The following ANKS1B variants were observed in gnomAD, a reference collection of about 807,000 sequenced individuals.
The protein encoded by ANKS1B is ankyrin repeat and sterile alpha motif domain containing 1B.
ANKS1B carries 36 observed loss-of-function variants against 148.3 expected under a neutral mutation model. That is an observed-to-expected ratio of 0.24 (90% confidence interval 0.19 to 0.32). The LOEUF is 0.32. ANKS1B is among the 10% of genes least tolerant of loss of function. The pLI is 1.00. For synonymous variants in ANKS1B, 542 were observed against 560.8 expected, an observed-to-expected ratio of 0.97 and a Z score of 0.47; for missense variants, 1,157 against 1,542.6, an observed-to-expected ratio of 0.75 and a Z score of 4.19.
intron 9 of ANKS1B, among the ~76,000 whole-genome samples, chr12:99,525,010 T>G (rs2153071842): frequency 6.6e-6 from 1 of 152,254 alleles, no homozygotes; most frequent in South Asian, 2.1e-4. Flanking sequence ...AACAGATTCT[T>G]CCCTAGAGCC....
chr12:99,941,475 A>G (rs1015897447), intron 1 of ANKS1B, among the ~76,000 whole-genome samples: 1 of 148,762 alleles, frequency 6.7e-6, no homozygotes, highest in South Asian at 2.1e-4. Context: ...AAAAAAAAAA[A>G]TAACGACAGG....
At chr12:98,985,671 A>T (rs1305930887) in intron 17 of ANKS1B, among the ~76,000 whole-genome samples, 3 of 152,016 alleles carry the variant, frequency 2.0e-5, no homozygotes, top group African/African-American at 7.2e-5. Flanking sequence ...TATCCTTTGA[A>T]TGATACTATT....
intron 22 of ANKS1B, among the ~76,000 whole-genome samples, chr12:98,798,021 A>G (rs2098965683): frequency 6.6e-6 from 1 of 152,222 alleles, no homozygotes; most frequent in Non-Finnish European, 1.5e-5. Context: ...AGGGACACGT[A>G]CAAAAGGAAA....
At position 98,826,519 on chromosome 12, in the gene ANKS1B, T is replaced by A. The variant is rs372472376; in HGVS notation, c.3066+2655A>T. Among the ~76,000 whole-genome samples the A allele has an allele frequency of 5.9e-5, 9 of 151,562 alleles. No individual in the cohort carries two copies. In the East Asian group the frequency reaches 1.4e-3, roughly 23 times the overall value. Reference sequence around the variant, plus strand: ...TATTGCGGCCACCAAGAACTTAAGGTTTCTGGCCCAGGGCTAGAATTCCAA... The same window carrying A: ...TATTGCGGCCACCAAGAACTTAAGGATTCTGGCCCAGGGCTAGAATTCCAA... On this transcript the variant is annotated intron_variant, in intron 19 of 26. Coordinates refer to ENST00000683438, the MANE Select transcript of ANKS1B (RefSeq NM_001352186.2).
At chr12:99,016,395 C>A (rs890020470) in intron 17 of ANKS1B, among the ~76,000 whole-genome samples, 1 of 152,194 alleles carries the variant, frequency 6.6e-6, no homozygotes, top group Non-Finnish European at 1.5e-5. Context: ...GTGGCTCATG[C>A]CTGTAATCCC....
rs148465749 is a variant in ANKS1B at position 99,738,092 on chromosome 12, A to G, written c.1128+34830T>C. 4.1e-3 allele frequency among the ~76,000 whole-genome samples: 617 copies of G among 152,300 alleles called. 4 individuals carry two copies. The highest frequency in any genetic ancestry group is 0.014 in the African/African-American group (591 of 41,584). On this transcript the variant is annotated intron_variant, in intron 8 of 26. Coordinates refer to ENST00000683438, the MANE Select transcript of ANKS1B (RefSeq NM_001352186.2). The stretch of plus-strand genomic sequence containing the variant: ...CATTACAGAATGCTGTAAAGCAGGC[A>G]CAACTGTTCCTTCTTTGGGATGAAC...
At chr12:99,494,184 A>T (rs1306122509) in intron 10 of ANKS1B, among the ~76,000 whole-genome samples, 1 of 152,114 alleles carries the variant, frequency 6.6e-6, no homozygotes, top group East Asian at 1.9e-4. Context: ...GCCCTTTTTG[A>T]TTTTGTGACA....
intron 12 of ANKS1B, among the ~76,000 whole-genome samples, chr12:99,396,477 G>A (rs1221226604): frequency 6.6e-6 from 1 of 152,144 alleles, no homozygotes; most frequent in Non-Finnish European, 1.5e-5. Context: ...TATGTAATGT[G>A]GAGGTGATAT....
chr12:98,974,555 C>A (rs905079350), intron 17 of ANKS1B, among the ~76,000 whole-genome samples: 4 of 149,478 alleles, frequency 2.7e-5, no homozygotes, highest in Non-Finnish European at 6.1e-5. Flanking sequence ...ATAGTATAAA[C>A]AGTATAAAAA....
intron 10 of ANKS1B, among the ~76,000 whole-genome samples, chr12:99,487,261 A>C (rs1226672563): frequency 1.3e-5 from 2 of 152,174 alleles, no homozygotes; most frequent in East Asian, 3.9e-4. Context: ...TGAAGAGTGA[A>C]TTTCTTATCA....
chr12:99,590,389 C>T (rs2097690812), intron 9 of ANKS1B, among the ~76,000 whole-genome samples: 1 of 152,012 alleles, frequency 6.6e-6, no homozygotes, highest in Non-Finnish European at 1.5e-5. Context: ...CAAGTAATTA[C>T]AACAGATTAT....
chr12:98,915,482 G>A (rs1442766241), intron 17 of ANKS1B, among the ~76,000 whole-genome samples: 1 of 152,148 alleles, frequency 6.6e-6, no homozygotes, highest in Non-Finnish European at 1.5e-5. Context: ...GCCCTGAGTA[G>A]CTGGGACTAC....
intron 1 of ANKS1B, among the ~76,000 whole-genome samples, chr12:99,887,807 G>C (rs750419954): frequency 2.0e-5 from 3 of 152,144 alleles, no homozygotes; most frequent in Non-Finnish European, 4.4e-5. Flanking sequence ...TTAAGCTGCA[G>C]TTAAACTTCC....
intron 8 of ANKS1B, among the ~76,000 whole-genome samples, chr12:99,718,193 C>T (rs1165951751): frequency 6.6e-6 from 1 of 152,162 alleles, no homozygotes; most frequent in East Asian, 1.9e-4. Flanking sequence ...AGCCACCGCG[C>T]CCAGCCGACA....
At chr12:99,431,121 G>A (rs968061761) in intron 11 of ANKS1B, among the ~76,000 whole-genome samples, 4 of 152,102 alleles carry the variant, frequency 2.6e-5, no homozygotes, top group Admixed American at 1.3e-4. Context: ...TCTTAAAGGC[G>A]AAAATATAGG....
At chr12:99,028,861 A>G (rs2099950361) in intron 17 of ANKS1B, among the ~76,000 whole-genome samples, 3 of 152,198 alleles carry the variant, frequency 2.0e-5, no homozygotes, top group South Asian at 2.1e-4. Context: ...ATGAACTTCA[A>G]TGGTTTTTAG....
chr12:98,895,232 C>G, intron 17 of ANKS1B: 1 of 985,638 alleles, frequency 1.0e-6, no homozygotes, highest in Non-Finnish European at 1.2e-6. Flanking sequence ...GCGCGGGGGC[C>G]TCCTCCTGGC....
Position 99,000,566 on chromosome 12 carries a change from G to A in ANKS1B, c.2778+52591C>T, listed in dbSNP as rs1347047310. 2.0e-5 allele frequency among the ~76,000 whole-genome samples: 3 copies of A among 152,046 alleles called. No individual in the cohort carries two copies. The East Asian group carries it at 5.8e-4, about 29-fold the overall frequency. ...TTACAGGCATGAGCCACCGTGCTCG[G>A]CCAGGGCCTTCTTTTTTAAAGAAAA... is the stretch of plus-strand genomic sequence containing the variant. On this transcript the variant is annotated intron_variant, in intron 17 of 26. Transcript: ENST00000683438.
At chr12:99,092,967 A>G (rs960654435) in intron 15 of ANKS1B, among the ~76,000 whole-genome samples, 10 of 152,164 alleles carry the variant, frequency 6.6e-5, no homozygotes, top group African/African-American at 1.9e-4. Flanking sequence ...CAAGATAAGT[A>G]TAGGATGGAT....
Sources: allele counts gnomAD v4.1 joint callset (sites outside exome capture counted in the v4.1 genomes callset), GRCh38; gene constraint gnomAD v4.1.1; transcripts MANE v1.5; gene names NCBI Gene and HGNC (gene_info 2026-07-23, HGNC 2026-07-21).